Variants in MCIDAS observed in about 807,000 individuals in gnomAD.
MCIDAS encodes multicilin.
MCIDAS carries 23 observed loss-of-function variants against 35.4 expected under a neutral mutation model. The observed-to-expected ratio is 0.65, with a 90% CI of 0.47 to 0.92. The LOEUF (loss-of-function observed/expected upper bound fraction) is 0.92. MCIDAS is among the 40% of genes least tolerant of loss of function. The pLI, the probability that MCIDAS is intolerant of heterozygous loss-of-function variation, is 0.00. For synonymous variants in MCIDAS, 228 were observed against 235.2 expected (o/e 0.97, Z 0.28); for missense variants, 480 against 531.8 (o/e 0.90, Z 0.96).
chr5:55,227,186 G>T lies in MCIDAS; in HGVS notation c.-48C>A. Reference sequence around the variant, plus strand: ...CGACTGCTCGGAGGCGGCGGCCCGGGCTGGGGCAGCGATCCACACCCTGCA... The same window carrying T: ...CGACTGCTCGGAGGCGGCGGCCCGGTCTGGGGCAGCGATCCACACCCTGCA... On this transcript the variant is annotated 5_prime_UTR_variant, in exon 1 of 7. Transcript: ENST00000513312. 4.3e-6 allele frequency: 6 copies of T among 1,403,016 alleles called. No homozygotes were observed. The highest frequency in any genetic ancestry group is 5.5e-6 in the Non-Finnish European group (6 of 1,087,840). The allele number at this position is 1,403,016 out of a possible 1,614,324, so 86.9% of individuals were successfully genotyped here.
At position 55,226,905 on chromosome 5, in the gene MCIDAS, G is replaced by A. The variant is rs772762736; in HGVS notation, c.147C>T (p.Pro49=). 5 of 1,422,262 alleles carry A rather than the reference G, an allele frequency of 3.5e-6. No homozygotes were observed. Among genetic ancestry groups the A allele is most frequent in the East Asian group, 3.0e-5 (1 of 33,698 alleles). The allele number at this position is 1,422,262 out of a possible 1,614,324, so 88.1% of individuals were successfully genotyped here. Residue 49 remains proline (P), a synonymous_variant, in exon 2 of 7, where the codon CCC becomes CCT. Coordinates refer to ENST00000513312, the MANE Select transcript of MCIDAS (RefSeq NM_001190787.3). ...ACACCGGGCTCCCGCCTGTGCATCC[G>A]GGGAAGAACTTCCGCGGAGGAGCGA... ...RKFAPPRKFF[P]GCTGGSPVSV...
Position 55,222,278 on chromosome 5 carries a change from T to C in MCIDAS, c.504A>G (p.Pro168=). The change falls in exon 5 of 7, where the codon CCA becomes CCG. Residue 168 remains proline, a synonymous_variant. Transcript: ENST00000513312. ...PPLDPRALQS[P]PLRPPDVPPP... ...GGGGCACGTCTGGAGGGCGCAGCGG[T>C]GGTGACTGCAGGGCCCGTGGGTCCA... 2.0e-6 allele frequency: 3 copies of C among 1,535,912 alleles called. No individual in the cohort carries two copies. The highest frequency in any genetic ancestry group is 1.4e-5 in the African/African-American group (1 of 73,126).
chr5:55,222,815 C>T (rs746410462), intron 4 of MCIDAS, 136 bp downstream of exon 4: 15 of 745,822 alleles, frequency 2.0e-5, no homozygotes, highest in Non-Finnish European at 3.1e-5. Context: ...AAAAGGCTGA[C>T]TCTTTGATGA....
At chr5:55,222,822 A>T (rs983974423) in intron 4 of MCIDAS, 129 bp downstream of exon 4, 3 of 771,118 alleles carry the variant, frequency 3.9e-6, no homozygotes, top group Admixed American at 2.4e-5. Flanking sequence ...TGACTCTTTG[A>T]TGAGTTGCTG....
intron 3 of MCIDAS, among the ~76,000 whole-genome samples, chr5:55,224,271 C>T (rs1213195380): frequency 2.0e-5 from 3 of 151,958 alleles, no homozygotes; most frequent in Non-Finnish European, 4.4e-5. Context: ...CAATAGCCCA[C>T]CAGAAAGACC....
Position 55,223,110 on chromosome 5 carries a change from G to A in MCIDAS, c.310-87C>T, listed in dbSNP as rs1745391478. 1.8e-6 allele frequency: 2 copies of A among 1,106,934 alleles called. No homozygotes were observed. The highest frequency in any genetic ancestry group is 1.3e-5 in the South Asian group (1 of 74,104). The allele number at this position is 1,106,934 out of a possible 1,614,324, so 68.6% of individuals were successfully genotyped here. Reference sequence around the variant, plus strand: ...TATTGGCGTCCCTGTTAAAAATCTGGCAGGCACTATGCAATATATGCACGT... The same window carrying A: ...TATTGGCGTCCCTGTTAAAAATCTGACAGGCACTATGCAATATATGCACGT... On this transcript the variant is annotated intron_variant, in intron 3 of 6. Coordinates refer to ENST00000513312, the MANE Select transcript of MCIDAS (RefSeq NM_001190787.3). This position sits in a 1 kb window ranked among gnomAD's most constrained non-coding sequence, Gnocchi z 4.4.
chr5:55,220,926 G>A, intron 6 of MCIDAS, 90 bp downstream of exon 6: 3 of 1,448,966 alleles, frequency 2.1e-6, no homozygotes, highest in Non-Finnish European at 1.8e-6. Context: ...TCCTCTCCCG[G>A]GCCCCCACGG....
Position 55,220,386 on chromosome 5 carries a change from A to T in MCIDAS, c.1138T>A (p.Phe380Ile). The change falls in exon 7 of 7, where the codon TTC (phenylalanine) becomes ATC (isoleucine). Residue 380 changes from phenylalanine (F) to isoleucine (I), a missense_variant. Physicochemically the swap from Phe to Ile is conservative, Grantham distance 21 (BLOSUM62 0). Transcript: ENST00000513312. ...ACAGCTCAACTGGGGACCCAGCGGA[A>T]CTTGTAACCCCCGTTGGCTGTTCTG... The part of the protein sequence containing the change: ...TIRTANGGYK[F>I]RWVPS 6.5e-7 allele frequency: 1 copy of T among 1,535,302 alleles called. No homozygotes were observed. The highest frequency in any genetic ancestry group is 8.7e-7 in the Non-Finnish European group (1 of 1,146,300).
intron 3 of MCIDAS, among the ~76,000 whole-genome samples, chr5:55,225,574 G>C (rs1229550295): frequency 6.6e-6 from 1 of 152,218 alleles, no homozygotes; most frequent in African/African-American, 2.4e-5. Flanking sequence ...CACCTAAACT[G>C]AGTGTCTCTG....
rs1561114602 is a variant in MCIDAS at position 55,220,628 on chromosome 5, T to G, written c.896A>C (p.Asp299Ala). The G allele has an allele frequency of 6.5e-7, 1 of 1,536,028 alleles. No individual in the cohort carries two copies. The highest frequency in any genetic ancestry group is 1.4e-5 in the African/African-American group (1 of 73,150). The change falls in exon 7 of 7, where the codon GAT (aspartate) becomes GCT (alanine). Residue 299 changes from aspartate to alanine, a missense_variant. Coordinates refer to ENST00000513312, the MANE Select transcript of MCIDAS (RefSeq NM_001190787.3). ...TGGCAGCAGTCGGGGCCGCTTGGGA[T>G]CGCGGCTCTGAAGGGCTTCATCGCA... ...ERCDEALQSRDPKRPRLLPEP... is the reference protein window; with the variant it reads ...ERCDEALQSRAPKRPRLLPEP...
intron 3 of MCIDAS, among the ~76,000 whole-genome samples, chr5:55,225,694 C>A (rs1343949949): frequency 1.3e-5 from 2 of 152,206 alleles, no homozygotes; most frequent in Non-Finnish European, 2.9e-5. Flanking sequence ...CATACTGGGC[C>A]TGTCTGCAAA....
chr5:55,220,650 C>A lies in MCIDAS; in HGVS notation c.874G>T (p.Asp292Tyr). 1 of 1,536,124 alleles carries A rather than the reference C, an allele frequency of 6.5e-7. No homozygotes were observed. Among genetic ancestry groups the A allele is most frequent in the Non-Finnish European group, 8.7e-7 (1 of 1,146,892 alleles). Reference protein sequence around the residue: ...AILREISERCDEALQSRDPKR... With the variant: ...AILREISERCYEALQSRDPKR... ...GGATCGCGGCTCTGAAGGGCTTCAT[C>A]GCAGCGCTCGGAAATCTCCCTCAGG... The change falls in exon 7 of 7, where the codon GAT becomes TAT. Residue 292 changes from aspartate to tyrosine, a missense_variant. By Grantham distance (160) the Asp-to-Tyr change is radical. Coordinates refer to ENST00000513312, the MANE Select transcript of MCIDAS (RefSeq NM_001190787.3).
intron 3 of MCIDAS, among the ~76,000 whole-genome samples, chr5:55,224,632 A>G (rs2111698290): frequency 6.6e-6 from 1 of 152,292 alleles, no homozygotes; most frequent in Admixed American, 6.5e-5. Context: ...AAGTCTCATG[A>G]GGAGACTGGA....
chr5:55,225,055 A>G (rs1408888101), intron 3 of MCIDAS, among the ~76,000 whole-genome samples: 2 of 152,034 alleles, frequency 1.3e-5, no homozygotes, highest in Non-Finnish European at 2.9e-5. Flanking sequence ...CAGACAAACC[A>G]AAAACTAGCT....
In MCIDAS at chr5:55,227,188, T is replaced by G; in HGVS notation, c.-50A>C. 7.2e-7 allele frequency: 1 copy of G among 1,398,030 alleles called. No homozygotes were observed. Among genetic ancestry groups the G allele is most frequent in the South Asian group, 1.6e-5 (1 of 63,058 alleles). The allele number at this position is 1,398,030 out of a possible 1,614,324, so 86.6% of individuals were successfully genotyped here. ...ACTGCTCGGAGGCGGCGGCCCGGGC[T>G]GGGGCAGCGATCCACACCCTGCACT... On this transcript the variant is annotated 5_prime_UTR_variant, in exon 1 of 7. Transcript: ENST00000513312.
intron 3 of MCIDAS, among the ~76,000 whole-genome samples, chr5:55,224,280 CCTT>C (rs1745416585): frequency 6.6e-6 from 1 of 151,908 alleles, no homozygotes; most frequent in African/African-American, 2.4e-5. Context: ...ACCAGAAAGA[CCTT>C]ATTATACTGA....
At position 55,223,100 on chromosome 5, in the gene MCIDAS, T is replaced by G. The variant is rs1745391340; in HGVS notation, c.310-77A>C. On this transcript the variant is annotated intron_variant, in intron 3 of 6. Coordinates refer to ENST00000513312, the MANE Select transcript of MCIDAS (RefSeq NM_001190787.3). This position sits in a 1 kb window ranked among gnomAD's most constrained non-coding sequence, Gnocchi z 4.4. ...CTTCAATAAATATTGGCGTCCCTGTTAAAAATCTGGCAGGCACTATGCAAT... is the reference window on the plus strand; with the variant it reads ...CTTCAATAAATATTGGCGTCCCTGTGAAAAATCTGGCAGGCACTATGCAAT... The G allele has an allele frequency of 1.6e-6, 2 of 1,237,890 alleles. No homozygotes were observed. The highest frequency in any genetic ancestry group is 2.3e-6 in the Non-Finnish European group (2 of 876,764). 76.7% of individuals were successfully genotyped at this position (1,237,890 alleles called of 1,614,324 possible).
chr5:55,224,837 T>C (rs1348265662), intron 3 of MCIDAS, among the ~76,000 whole-genome samples: 1 of 152,220 alleles, frequency 6.6e-6, no homozygotes, highest in African/African-American at 2.4e-5. Flanking sequence ...GCCTCTTTCC[T>C]CTGAACTAGC....
At position 55,227,056 on chromosome 5, in the gene MCIDAS, C is replaced by G. The variant is rs781191667; in HGVS notation, c.83G>C (p.Arg28Pro). Residue 28 changes from arginine to proline, a missense_variant, in exon 1 of 7, where the codon CGG (arginine) becomes CCG (proline). Coordinates refer to ENST00000513312, the MANE Select transcript of MCIDAS (RefSeq NM_001190787.3). ...CPNRMLALPG[R>P]ALLCKPGKPE... ...CTTCCCCGGCTTGCAGAGCAGCGCC[C>G]GGCCCGGCAGTGCCAGCATTCTGTT... The G allele has an allele frequency of 6.6e-7, 1 of 1,519,636 alleles. No homozygotes were observed. Among genetic ancestry groups the G allele is most frequent in the Admixed American group, 2.0e-5 (1 of 49,912 alleles). 94.1% of individuals were successfully genotyped at this position (1,519,636 alleles called of 1,614,324 possible). A position where few individuals can be genotyped will look rare whatever the true frequency, so the allele number is the denominator to read the frequency against.
Sources: gnomAD v4.1 joint callset for allele counts (sites outside exome capture counted in the v4.1 genomes callset) on GRCh38, gnomAD v4.1.1 for gene constraint, Gnocchi (gnomAD v3.1) non-coding constraint, MANE v1.5 for transcripts, NCBI Gene and HGNC (gene_info 2026-07-23, HGNC 2026-07-21) for gene names.